The following ANTXR1 variants were observed in gnomAD, a reference collection of about 807,000 sequenced individuals.
ANTXR1 encodes anthrax toxin receptor 1.
Under a neutral mutation model 78.1 loss-of-function variants are expected in ANTXR1, and 19 were observed. That is an observed-to-expected ratio of 0.24 (90% CI 0.17 to 0.36). The LOEUF is 0.36. Among genes scored for constraint, ANTXR1 ranks in the 10% least tolerant of loss-of-function variants. The probability of loss-of-function intolerance (pLI) is 1.00; values close to 1 mark genes in which losing one functional copy is unlikely to be tolerated. For missense variants in ANTXR1, 518 were observed against 718.6 expected, an observed-to-expected ratio of 0.72 and a Z score of 3.19; for synonymous variants, 273 against 260.5, an observed-to-expected ratio of 1.05 and a Z score of -0.46.
At chr2:69,185,760 T>C (rs1418940099) in intron 16 of ANTXR1, among the ~76,000 whole-genome samples, 3 of 152,158 alleles carry the variant, frequency 2.0e-5, no homozygotes, top group African/African-American at 7.2e-5. Context: ...ACACAACTGC[T>C]GAATTAATGT....
intron 1 of ANTXR1, among the ~76,000 whole-genome samples, chr2:69,016,693 C>T (rs1196943629): frequency 6.6e-6 from 1 of 152,168 alleles, no homozygotes; most frequent in East Asian, 1.9e-4. Flanking sequence ...CTCTATTTAC[C>T]AATATGGTAC....
chr2:69,142,547 C>T (rs528461452), intron 12 of ANTXR1, among the ~76,000 whole-genome samples: 21 of 152,236 alleles, frequency 1.4e-4, no homozygotes, highest in African/African-American at 5.1e-4. Context: ...TCTCTGTTTC[C>T]CACTCAATGA....
chr2:69,069,409 C>A (rs2104201138), intron 3 of ANTXR1, among the ~76,000 whole-genome samples: 1 of 152,278 alleles, frequency 6.6e-6, no homozygotes, highest in East Asian at 1.9e-4. Flanking sequence ...AAAGAGCTGT[C>A]ATAAGGCTTA....
At chr2:69,015,183 A>G (rs1335299121) in intron 1 of ANTXR1, among the ~76,000 whole-genome samples, 1 of 151,732 alleles carries the variant, frequency 6.6e-6, no homozygotes, top group African/African-American at 2.4e-5. Flanking sequence ...AAATTAATTT[A>G]GAAATTGAAT....
intron 3 of ANTXR1, among the ~76,000 whole-genome samples, chr2:69,063,549 T>C (rs1038088249): frequency 2.6e-5 from 4 of 151,570 alleles, no homozygotes; most frequent in African/African-American, 9.7e-5. Context: ...AGGAAAATGA[T>C]ACCAGGTATA....
intron 8 of ANTXR1, among the ~76,000 whole-genome samples, chr2:69,081,181 G>C (rs1222096428): frequency 6.6e-6 from 1 of 152,210 alleles, no homozygotes; most frequent in African/African-American, 2.4e-5. Context: ...GGTGCAAGAA[G>C]GTTGGAGAAA....
chr2:69,244,253 G>T (rs925270551), intron 17 of ANTXR1, among the ~76,000 whole-genome samples: 1 of 152,210 alleles, frequency 6.6e-6, no homozygotes, highest in African/African-American at 2.4e-5. Context: ...GGTCTTCTCT[G>T]CATTGTTCAG....
At position 69,151,215 on chromosome 2, in the gene ANTXR1, G is replaced by A. The variant is rs6712081; in HGVS notation, c.952-954G>A. Among the ~76,000 whole-genome samples, 970 of 112,036 alleles carry A rather than the reference G, an allele frequency of 8.7e-3. 11 individuals carry two copies. The highest frequency in any genetic ancestry group is 0.032 in the African/African-American group (912 of 28,590). The allele number at this position is 112,036 out of a possible 152,430, so 73.5% of individuals were successfully genotyped here. A position where few individuals can be genotyped will look rare whatever the true frequency, so the allele number is the denominator to read the frequency against. ...TTTTTTTTTTTTTTTTTTTTGAGAC[G>A]GAGTCTCGCTCTGTCGCCCAGGCTG... On this transcript the variant is annotated intron_variant, in intron 12 of 17. Transcript: ENST00000303714.
intron 14 of ANTXR1, chr2:69,172,462 T>C: frequency 6.4e-7 from 1 of 1,559,138 alleles, no homozygotes; most frequent in Non-Finnish European, 8.6e-7. Context: ...TACAATGCTC[T>C]GAAAATCATA....
At chr2:69,243,743 T>A (rs1675944697) in intron 17 of ANTXR1, among the ~76,000 whole-genome samples, 2 of 152,202 alleles carry the variant, frequency 1.3e-5, no homozygotes, top group Non-Finnish European at 1.5e-5. Flanking sequence ...TCTGGACATA[T>A]CTCGTTCAGG....
At chr2:69,017,305 G>GA (rs1558728027) in intron 1 of ANTXR1, among the ~76,000 whole-genome samples, 1 of 152,234 alleles carries the variant, frequency 6.6e-6, no homozygotes, top group Admixed American at 6.5e-5. Context: ...AGTGGAAAGT[G>GA]AAAAAATGCT....
chr2:69,054,896 G>A (rs1262403906), intron 3 of ANTXR1, among the ~76,000 whole-genome samples: 2 of 152,140 alleles, frequency 1.3e-5, no homozygotes, highest in Non-Finnish European at 2.9e-5. Context: ...AAGACAAATG[G>A]TGAGGGAGTG....
chr2:69,069,313 G>GT (rs1356532293), intron 3 of ANTXR1, among the ~76,000 whole-genome samples: 1 of 152,160 alleles, frequency 6.6e-6, no homozygotes, highest in Non-Finnish European at 1.5e-5. Context: ...TCTGTCTTAG[G>GT]TAAGAGTGGC....
At position 69,234,034 on chromosome 2, in the gene ANTXR1, A is replaced by G. The variant is rs1264298075; in HGVS notation, c.1435-11191A>G. On this transcript the variant is annotated intron_variant, in intron 17 of 17. Transcript: ENST00000303714. ...ATGTGCTATTGATGGATGAGAAAAC[A>G]TAAAAATATAAAAGGCCATTTTCTC... Among the ~76,000 whole-genome samples, 6 of 152,202 alleles carry G rather than the reference A, an allele frequency of 3.9e-5. No homozygotes were observed. The South Asian group carries it at 6.2e-4, about 16-fold the overall frequency.
rs1241389525 is a variant in ANTXR1, at chr2:69,248,404, AATGTAC to A, written c.*2921_*2926del. ...TTCCCATGACTGTATTGCTTTTATAAATGTACAAATAGTTACTGAAATGACGAGACC... is the reference window on the plus strand; with the variant it reads ...TTCCCATGACTGTATTGCTTTTATAAAAATAGTTACTGAAATGACGAGACC... On this transcript the variant is annotated 3_prime_UTR_variant, in exon 18 of 18. Transcript: ENST00000303714. 5 of 157,656 alleles carry A rather than the reference AATGTAC, an allele frequency of 3.2e-5. No homozygotes were observed. Among genetic ancestry groups the A allele is most frequent in the Admixed American group, 6.5e-5 (1 of 15,282 alleles). 9.8% of individuals were successfully genotyped at this position (157,656 alleles called of 1,614,324 possible).
intron 10 of ANTXR1, among the ~76,000 whole-genome samples, chr2:69,117,871 C>T (rs1441106895): frequency 6.6e-6 from 1 of 152,116 alleles, no homozygotes; most frequent in East Asian, 1.9e-4. Context: ...CTGAAATATC[C>T]TCTGCCCCTC....
chr2:69,112,781 C>G (rs1293200490), intron 10 of ANTXR1, among the ~76,000 whole-genome samples: 1 of 152,202 alleles, frequency 6.6e-6, no homozygotes, highest in Non-Finnish European at 1.5e-5. Context: ...CTCTTTCAGA[C>G]AGAACTCTGG....
intron 16 of ANTXR1, among the ~76,000 whole-genome samples, chr2:69,188,909 T>C (rs1674488169): frequency 6.6e-6 from 1 of 152,244 alleles, no homozygotes; most frequent in African/African-American, 2.4e-5. Context: ...TACTACTGTC[T>C]TTAAATGACA....
intron 3 of ANTXR1, among the ~76,000 whole-genome samples, chr2:69,052,449 T>C (rs1037904558): frequency 6.6e-5 from 10 of 152,062 alleles, no homozygotes; most frequent in African/African-American, 2.4e-4. Context: ...AAAGACATAG[T>C]CAACTTGCAT....
Sources: allele counts gnomAD v4.1 joint callset (sites outside exome capture counted in the v4.1 genomes callset), GRCh38; gene constraint gnomAD v4.1.1; transcripts MANE v1.5; gene names NCBI Gene and HGNC (gene_info 2026-07-23, HGNC 2026-07-21).